STPG2: variants seen among roughly 807,000 people sequenced by gnomAD.
STPG2 encodes the protein sperm tail PG-rich repeat containing 2.
A neutral mutation model predicts 54.2 loss-of-function variants in STPG2; 56 were observed. The ratio of observed to expected loss-of-function variants is 1.03; its 90% CI spans 0.83 to 1.29. The LOEUF (loss-of-function observed/expected upper bound fraction) is 1.29, where lower values mean the gene tolerates loss of function less well. Among genes scored for constraint, STPG2 ranks in the 50% most tolerant of loss-of-function variants. The probability of loss-of-function intolerance (pLI) is 0.00; values close to 1 mark genes in which losing one functional copy is unlikely to be tolerated. For missense variants in STPG2, 596 were observed against 544.9 expected (o/e 1.09, Z -0.93); for synonymous variants, 200 against 181.8 (o/e 1.10, Z -0.81).
intron 8 of STPG2, among the ~76,000 whole-genome samples, chr4:97,937,797 T>C (rs961758303): frequency 2.0e-5 from 3 of 152,150 alleles, no homozygotes; most frequent in African/African-American, 7.2e-5. Flanking sequence ...ACCAACCTAA[T>C]GTCAGTAGGA....
rs752354177 is a variant in STPG2, at chr4:97,840,872, G to A, written c.1105C>T (p.His369Tyr). The A allele has an allele frequency of 2.5e-6, 4 of 1,612,054 alleles. No individual in the cohort carries two copies. In the Admixed American group the frequency reaches 5.0e-5, roughly 20 times the overall value. Residue 369 changes from histidine to tyrosine, a missense_variant, in exon 9 of 11, where the codon CAT (histidine) becomes TAT (tyrosine). Coordinates refer to ENST00000295268, the MANE Select transcript of STPG2 (RefSeq NM_174952.3). ...HKSYEMSQVKHKYMPPRSLVA... is the reference protein window; with the variant it reads ...HKSYEMSQVKYKYMPPRSLVA... ...AAACTACGAGGTGGCATATATTTAT[G>A]CTTAACTTGGGACATCTCATATGAT...
At chr4:97,493,772 T>C (rs1010771427) in intron 4 of STPG2, among the ~76,000 whole-genome samples, 2 of 151,438 alleles carry the variant, frequency 1.3e-5, no homozygotes, top group Non-Finnish European at 3.0e-5. Context: ...TTGGTGAAAA[T>C]ATTAAAAAGC....
chr4:97,737,809 T>G (rs1415953579), intron 9 of STPG2, among the ~76,000 whole-genome samples: 1 of 152,214 alleles, frequency 6.6e-6, no homozygotes, highest in Non-Finnish European at 1.5e-5. Flanking sequence ...CCAGGAGAAC[T>G]TCCCCAATCT....
intron 8 of STPG2, among the ~76,000 whole-genome samples, chr4:97,870,715 T>C (rs1192927674): frequency 2.6e-5 from 4 of 151,302 alleles, no homozygotes; most frequent in South Asian, 2.1e-4. Flanking sequence ...AGAAGCATAC[T>C]AGTAGGAGTC....
chr4:97,678,880 G>A (rs1722937348), intron 10 of STPG2, among the ~76,000 whole-genome samples: 1 of 151,036 alleles, frequency 6.6e-6, no homozygotes, highest in Admixed American at 6.6e-5. Flanking sequence ...GTGGTGTTTG[G>A]TTTCTTGTTC....
At chr4:97,926,111 T>C (rs947969136) in intron 8 of STPG2, among the ~76,000 whole-genome samples, 21 of 152,116 alleles carry the variant, frequency 1.4e-4, no homozygotes, top group Admixed American at 1.2e-3. Context: ...TAAATGTATC[T>C]TTATGCATTT....
intron 5 of STPG2, chr4:98,026,259 G>T: frequency 1.2e-6 from 1 of 858,920 alleles, no homozygotes; most frequent in South Asian, 1.5e-5. Context: ...GTGGGCTGCT[G>T]AGAGCTAAAC....
chr4:97,793,312 C>A (rs1727060454), intron 9 of STPG2, among the ~76,000 whole-genome samples: 1 of 151,516 alleles, frequency 6.6e-6, no homozygotes, highest in Admixed American at 6.6e-5. Context: ...GCCTATCTCT[C>A]AGAATTTTAG....
chr4:98,007,631 C>G (rs1735615490), intron 5 of STPG2, among the ~76,000 whole-genome samples: 1 of 151,724 alleles, frequency 6.6e-6, no homozygotes, highest in African/African-American at 2.4e-5. Flanking sequence ...TTGTGAAATG[C>G]AAGATAAAGA....
intron 9 of STPG2, among the ~76,000 whole-genome samples, chr4:97,805,115 A>G (rs779561997): frequency 6.6e-6 from 1 of 152,202 alleles, no homozygotes; most frequent in Non-Finnish European, 1.5e-5. Flanking sequence ...AGTAAATATA[A>G]CAGTGTTTGT....
chr4:97,743,964 T>A (rs1725345833), intron 9 of STPG2, among the ~76,000 whole-genome samples: 1 of 151,400 alleles, frequency 6.6e-6, no homozygotes, highest in South Asian at 2.1e-4. Context: ...CAGTAGAGGA[T>A]TAGAATACAG....
Position 97,712,694 on chromosome 4 carries a change from C to T in STPG2, c.1320+5G>A. Reference sequence around the variant, plus strand: ...GTCACTGTTAAGAAGGAAATATTGACAAACCTCATATGTTGCTGGGCCTGG... The same window carrying T: ...GTCACTGTTAAGAAGGAAATATTGATAAACCTCATATGTTGCTGGGCCTGG... On this transcript the variant is annotated splice_donor_5th_base_variant and intron_variant, in intron 10 of 10. Transcript: ENST00000295268. 1 of 1,548,236 alleles carries T rather than the reference C, an allele frequency of 6.5e-7. No individual in the cohort carries two copies. The highest frequency in any genetic ancestry group is 8.7e-7 in the Non-Finnish European group (1 of 1,145,692).
intron 10 of STPG2, among the ~76,000 whole-genome samples, chr4:97,635,322 A>C (rs146059881): frequency 0.052 from 7,858 of 152,318 alleles, 289 homozygotes; most frequent in Non-Finnish European, 0.083. Flanking sequence ...GCCTGCCCTA[A>C]AAGAGCTCCT....
rs374937775 is a variant in STPG2 at position 97,851,163 on chromosome 4, GAC to G, written c.1045-10233_1045-10232del. Among the ~76,000 whole-genome samples, 14 of 152,224 alleles carry G rather than the reference GAC, an allele frequency of 9.2e-5. 1 individual carries two copies. Among genetic ancestry groups the G allele is most frequent in the African/African-American group, 3.4e-4 (14 of 41,540 alleles). On this transcript the variant is annotated intron_variant, in intron 8 of 10. Transcript: ENST00000295268. Reference sequence around the variant, plus strand: ...ATTTGCAATTAAACAAGTCTCTAATGACGTGTTTAATATCACCCATCACCATA... The same window carrying G: ...ATTTGCAATTAAACAAGTCTCTAATGGTGTTTAATATCACCCATCACCATA...
intron 8 of STPG2, among the ~76,000 whole-genome samples, chr4:97,933,782 G>A (rs1324381246): frequency 6.6e-6 from 1 of 152,180 alleles, no homozygotes; most frequent in Non-Finnish European, 1.5e-5. Flanking sequence ...AGTGTGGTTT[G>A]AAGGCAGGCA....
At chr4:98,008,829 T>C (rs1176039371) in intron 5 of STPG2, among the ~76,000 whole-genome samples, 1 of 152,114 alleles carries the variant, frequency 6.6e-6, no homozygotes, top group Non-Finnish European at 1.5e-5. Context: ...TTACTCATTA[T>C]TGGTCTGTTC....
At chr4:97,633,128 G>C (rs1208028778) in intron 10 of STPG2, among the ~76,000 whole-genome samples, 3 of 152,000 alleles carry the variant, frequency 2.0e-5, no homozygotes, top group African/African-American at 7.2e-5. Context: ...AGTTGTTTTA[G>C]TTTCTCTGCC....
intron 5 of STPG2, among the ~76,000 whole-genome samples, chr4:98,096,390 C>T (rs1423515445): frequency 4.4e-5 from 5 of 113,270 alleles, no homozygotes; most frequent in Non-Finnish European, 9.3e-5. Flanking sequence ...GGAGTGAAAC[C>T]CTGTCTCAAA....
intron 4 of STPG2, among the ~76,000 whole-genome samples, chr4:97,465,837 G>A (rs1298154556): frequency 6.6e-6 from 1 of 151,676 alleles, no homozygotes; most frequent in Admixed American, 6.6e-5. Context: ...TTGATCCATG[G>A]TTGGTGAAAT....
Sources: allele counts gnomAD v4.1 joint callset (sites outside exome capture counted in the v4.1 genomes callset), GRCh38; gene constraint gnomAD v4.1.1; transcripts MANE v1.5; gene names NCBI Gene and HGNC (gene_info 2026-07-23, HGNC 2026-07-21).